DNAH8: variants seen among roughly 807,000 people sequenced by gnomAD.
The protein encoded by DNAH8 is dynein axonemal heavy chain 8.
Under a neutral mutation model 562.1 loss-of-function variants are expected in DNAH8, and 382 were observed. The observed-to-expected ratio is 0.68, with a 90% confidence interval of 0.63 to 0.74. The LOEUF is 0.74. DNAH8 is among the 30% of genes least tolerant of loss of function. The pLI, the probability that DNAH8 is intolerant of heterozygous loss-of-function variation, is 0.00. For missense variants in DNAH8, 5,203 were observed against 5,620.4 expected, an observed-to-expected ratio of 0.93 and a Z score of 2.37; for synonymous variants, 1,881 against 1,919.4, an observed-to-expected ratio of 0.98 and a Z score of 0.52.
rs182328796 is a variant in DNAH8 at position 38,747,468 on chromosome 6, C to T, written c.1294-3008C>T. ...GAGGTGCGATCTTGGCTCACTGCAACCTCCACCTCCCAGGTTCAAGCAATT... is the reference window on the plus strand; with the variant it reads ...GAGGTGCGATCTTGGCTCACTGCAATCTCCACCTCCCAGGTTCAAGCAATT... On this transcript the variant is annotated intron_variant, in intron 8 of 92. Coordinates refer to ENST00000327475, the MANE Select transcript of DNAH8 (RefSeq NM_001206927.2). Among the ~76,000 whole-genome samples, 564 of 150,264 alleles carry T rather than the reference C, an allele frequency of 3.8e-3. 4 individuals carry two copies. Among genetic ancestry groups the T allele is most frequent in the African/African-American group, 0.013 (542 of 40,854 alleles).
At chr6:38,734,334 CCA>C in intron 4 of DNAH8, 138 bp from the exon 5 acceptor site, 10 of 822,876 alleles carry the variant, frequency 1.2e-5, no homozygotes, top group South Asian at 2.1e-5. Flanking sequence ...AGACCCCCCC[CCA>C]AAAAAATTAT....
At chr6:38,816,677 G>T (rs1772309934) in intron 26 of DNAH8, among the ~76,000 whole-genome samples, 1 of 152,112 alleles carries the variant, frequency 6.6e-6, no homozygotes, top group African/African-American at 2.4e-5. Context: ...TTCTACAATG[G>T]TCGAACTAAT....
Position 38,807,604 on chromosome 6 carries a change from TTACAGGAG to T in DNAH8, c.3151-4_3154del. The T allele has an allele frequency of 6.9e-7, 1 of 1,453,492 alleles. No homozygotes were observed. The highest frequency in any genetic ancestry group is 9.1e-7 in the Non-Finnish European group (1 of 1,093,104). The allele number at this position is 1,453,492 out of a possible 1,614,324, so 90.0% of individuals were successfully genotyped here. A position where few individuals can be genotyped will look rare whatever the true frequency, so the allele number is the denominator to read the frequency against. ...ATACCAAATTTAATCTGATTTCTTA[TTACAGGAG>T]TGTAAAGAGGTCTTTGCTTTTTTCT... On this transcript the variant is annotated splice_acceptor_variant and splice_polypyrimidine_tract_variant and coding_sequence_variant and intron_variant, in exon 24 of 93. Coordinates refer to ENST00000327475, the MANE Select transcript of DNAH8 (RefSeq NM_001206927.2). LOFTEE classifies it high-confidence loss of function.
chr6:38,943,603 A>T (rs2150608480), intron 79 of DNAH8, among the ~76,000 whole-genome samples: 1 of 152,338 alleles, frequency 6.6e-6, no homozygotes, highest in South Asian at 2.1e-4. Context: ...ACCAGGCGCA[A>T]TCCTGCATTA....
intron 38 of DNAH8, 90 bp from the exon 39 acceptor site, chr6:38,851,482 A>G (rs1412313552): frequency 2.7e-6 from 2 of 748,650 alleles, no homozygotes; most frequent in Non-Finnish European, 4.4e-6. Flanking sequence ...TTATCTTAGC[A>G]AAGATGTTAG....
At chr6:38,953,108 G>A (rs762939079) in intron 82 of DNAH8, 4 of 152,108 alleles carry the variant, frequency 2.6e-5, no homozygotes, top group Non-Finnish European at 4.4e-5. Flanking sequence ...CACTGCTTAC[G>A]TGCTCAGAAT....
At chr6:38,850,507 G>A in intron 38 of DNAH8, 93 bp downstream of exon 38, 3 of 1,209,448 alleles carry the variant, frequency 2.5e-6, no homozygotes, top group East Asian at 4.9e-5. Context: ...TGGTTTGGTA[G>A]TGATGGTTAA....
intron 28 of DNAH8, among the ~76,000 whole-genome samples, 155 bp from the exon 29 acceptor site, chr6:38,826,001 C>T (rs1024299757): frequency 3.0e-4 from 45 of 152,002 alleles, no homozygotes; most frequent in Admixed American, 2.8e-3. Flanking sequence ...AATCTAGTAA[C>T]CTTATAGCAC....
intron 17 of DNAH8, among the ~76,000 whole-genome samples, 190 bp from the exon 18 acceptor site, chr6:38,786,575 C>G (rs559377792): frequency 6.6e-6 from 1 of 152,330 alleles, no homozygotes; most frequent in Admixed American, 6.5e-5. Flanking sequence ...TGCAGACACT[C>G]TTCATTCATT....
At chr6:38,859,197 A>G (rs995721305) in intron 42 of DNAH8, among the ~76,000 whole-genome samples, 7 of 152,222 alleles carry the variant, frequency 4.6e-5, no homozygotes, top group South Asian at 2.1e-4. Flanking sequence ...CCTCCTCCTT[A>G]CCATCTTAAC....
chr6:38,973,448 A>G (rs1763469413), intron 83 of DNAH8, among the ~76,000 whole-genome samples: 1 of 152,228 alleles, frequency 6.6e-6, no homozygotes, highest in South Asian at 2.1e-4. Flanking sequence ...GTGGCAGAAT[A>G]CAATCATTTT....
At chr6:38,989,880 T>A in intron 87 of DNAH8, 132 bp from the exon 88 acceptor site, 2 of 590,812 alleles carry the variant, frequency 3.4e-6, no homozygotes, top group Non-Finnish European at 3.0e-6. Context: ...TCAGTAGTAT[T>A]GTTAAAGCAT....
chr6:38,811,981 ATGTGCTTCTTT>A (rs1220361777), intron 24 of DNAH8, among the ~76,000 whole-genome samples: 3 of 152,244 alleles, frequency 2.0e-5, no homozygotes, highest in Admixed American at 6.5e-5. Context: ...GAATTTGTGG[ATGTGCTTCTTT>A]TGCCCCAGGT....
At chr6:39,008,689 T>TCTC in intron 88 of DNAH8, 125 bp from the exon 89 acceptor site, 1 of 508,992 alleles carries the variant, frequency 2.0e-6, no homozygotes, top group Non-Finnish European at 3.2e-6. Flanking sequence ...AGTTAACTTT[T>TCTC]CTTCTTTTTT....
chr6:38,834,310 T>A (rs1016479967), intron 31 of DNAH8, among the ~76,000 whole-genome samples: 1 of 152,214 alleles, frequency 6.6e-6, no homozygotes, highest in Admixed American at 6.5e-5. Context: ...ATGAAAATGT[T>A]CTAAATGATT....
intron 1 of DNAH8, among the ~76,000 whole-genome samples, chr6:38,720,848 CA>C (rs113354736): frequency 0.54 from 81,867 of 151,418 alleles, 22,766 homozygotes; most frequent in Non-Finnish European, 0.6. Flanking sequence ...AGATAACACA[CA>C]AAAAAAATTC....
chr6:38,870,402 T>C lies in DNAH8; in HGVS notation c.6830T>C (p.Val2277Ala). The C allele has an allele frequency of 6.2e-7, 1 of 1,612,290 alleles. No homozygotes were observed. Among genetic ancestry groups the C allele is most frequent in the Non-Finnish European group, 8.5e-7 (1 of 1,179,170 alleles). The change falls in exon 49 of 93, where the codon GTT becomes GCT. Residue 2277 changes from valine (V) to alanine (A), a missense_variant and splice_region_variant. By Grantham distance (64) the Val-to-Ala change is moderately conservative. This residue lies in a region of DNAH8 where 2,176 missense variants were observed against 2,365.1 expected (regional missense o/e 0.92). Coordinates refer to ENST00000327475, the MANE Select transcript of DNAH8 (RefSeq NM_001206927.2). ...GLRDMNLSKL[V>A]DEDEPLFLSL... is the part of the protein sequence containing the mutation. ...TTATTTTAAACTATGCCACCTTAGG[T>C]TGATGAAGATGAACCCCTGTTCCTC...
intron 88 of DNAH8, among the ~76,000 whole-genome samples, chr6:38,991,807 C>A (rs1764808915): frequency 6.6e-6 from 1 of 152,142 alleles, no homozygotes; most frequent in African/African-American, 2.4e-5. Flanking sequence ...CAGTGGCTCA[C>A]TTTTACCTCT....
intron 82 of DNAH8, among the ~76,000 whole-genome samples, chr6:38,969,630 G>A (rs12203833): frequency 0.14 from 20,639 of 150,078 alleles, 1,512 homozygotes; most frequent in Admixed American, 0.22. Context: ...TGAGGCTGGG[G>A]TGGGCCTGGG....
Sources: gnomAD v4.1 joint callset for allele counts (sites outside exome capture counted in the v4.1 genomes callset) on GRCh38, gnomAD v4.1.1 for gene constraint, gnomAD v4.1.1 regional missense constraint, MANE v1.5 for transcripts, NCBI Gene and HGNC (gene_info 2026-07-23, HGNC 2026-07-21) for gene names.